The following SQOR variants were observed in gnomAD, a reference collection of about 807,000 sequenced individuals.
SQOR encodes the protein sulfide:quinone oxidoreductase, mitochondrial.
In SQOR, 39 loss-of-function variants were observed where a neutral mutation model predicts 48.6. That is an observed-to-expected ratio of 0.80 (90% confidence interval 0.62 to 1.05). SQOR has a LOEUF of 1.05. SQOR is among the 50% of genes least tolerant of loss of function. The pLI, the probability that SQOR is intolerant of heterozygous loss-of-function variation, is 0.00. For synonymous variants in SQOR, 220 were observed against 206.2 expected (o/e 1.07, Z -0.57); for missense variants, 561 against 559.9 (o/e 1.00, Z -0.02).
chr15:45,664,046 G>GA (rs149714233), intron 3 of SQOR, among the ~76,000 whole-genome samples: 2 of 151,896 alleles, frequency 1.3e-5, no homozygotes, highest in Non-Finnish European at 2.9e-5. Flanking sequence ...GGTTATTCAT[G>GA]AAAAAAAATA....
rs570671318 is a variant in SQOR, at chr15:45,676,359, G to A, written c.864+49G>A. On this transcript the variant is annotated intron_variant, in intron 6 of 9. Transcript: ENST00000260324. ...AGCATGAAGCGTTGTCTGCTGAAAC[G>A]TGCCATAGATACATGGGGGCTCACA... 1.1e-5 allele frequency: 17 copies of A among 1,578,232 alleles called. No individual in the cohort carries two copies. In the African/African-American group the frequency reaches 1.3e-4, roughly 13 times the overall value.
At chr15:45,664,194 T>C (rs1300491321) in intron 3 of SQOR, among the ~76,000 whole-genome samples, 3 of 152,348 alleles carry the variant, frequency 2.0e-5, no homozygotes, top group Admixed American at 2.0e-4. Flanking sequence ...ACGTGGGTTA[T>C]ATGAAAGTTC....
chr15:45,682,203 C>G (rs887400683), intron 6 of SQOR, among the ~76,000 whole-genome samples: 1 of 152,180 alleles, frequency 6.6e-6, no homozygotes, highest in African/African-American at 2.4e-5. Context: ...GAGCTTTACT[C>G]CAATATCTCA....
intron 3 of SQOR, among the ~76,000 whole-genome samples, chr15:45,665,584 C>CT (rs1416571890): frequency 0.016 from 2,310 of 140,136 alleles, 43 homozygotes; most frequent in African/African-American, 0.043. Flanking sequence ...TCCATTCTGT[C>CT]TTTTTTTTTT....
At chr15:45,665,325 A>G (rs1036256989) in intron 3 of SQOR, among the ~76,000 whole-genome samples, 1 of 152,222 alleles carries the variant, frequency 6.6e-6, no homozygotes, top group African/African-American at 2.4e-5. Flanking sequence ...ATAGCCAGAT[A>G]TCAGAAATAC....
chr15:45,666,067 A>T (rs531500294), intron 3 of SQOR, among the ~76,000 whole-genome samples: 234 of 152,004 alleles, frequency 1.5e-3, no homozygotes, highest in Non-Finnish European at 2.7e-3. Context: ...ACCTGGTTCT[A>T]TTCTCTCCTT....
chr15:45,678,974 T>G (rs977773813), intron 6 of SQOR, among the ~76,000 whole-genome samples: 1 of 152,230 alleles, frequency 6.6e-6, no homozygotes, highest in Non-Finnish European at 1.5e-5. Context: ...AAATGAGCTA[T>G]GAGTAAGAGC....
chr15:45,651,443 A>G (rs1350266644), intron 1 of SQOR, among the ~76,000 whole-genome samples: 1 of 152,136 alleles, frequency 6.6e-6, no homozygotes, highest in Non-Finnish European at 1.5e-5. Context: ...CAGCCCATAG[A>G]GGGGCCCCCA....
rs1329466505 is a variant in SQOR, at chr15:45,691,146, G to T, written c.*116G>T. 1.1e-6 allele frequency: 1 copy of T among 900,134 alleles called. No homozygotes were observed. The highest frequency in any genetic ancestry group is 1.8e-6 in the Non-Finnish European group (1 of 540,650). 55.8% of individuals were successfully genotyped at this position (900,134 alleles called of 1,614,324 possible). A position where few individuals can be genotyped will look rare whatever the true frequency, so the allele number is the denominator to read the frequency against. ...TATCCTTGTAAAGAGTTCCTTGATG[G>T]GTAATGGTGACCAAATGCCTCCCTT... On this transcript the variant is annotated 3_prime_UTR_variant, in exon 10 of 10. Coordinates refer to ENST00000260324, the MANE Select transcript of SQOR (RefSeq NM_021199.4).
intron 4 of SQOR, among the ~76,000 whole-genome samples, chr15:45,670,426 G>A (rs1467365473): frequency 1.3e-5 from 2 of 152,170 alleles, no homozygotes; most frequent in Admixed American, 6.6e-5. Flanking sequence ...TTGTTGTGTC[G>A]ATACTGGGTT....
intron 1 of SQOR, among the ~76,000 whole-genome samples, chr15:45,655,699 T>C (rs1889591449): frequency 1.3e-5 from 2 of 149,020 alleles, no homozygotes; most frequent in South Asian, 2.2e-4. Flanking sequence ...TTTTTTTCTT[T>C]TTGAGACAGA....
At chr15:45,634,692 G>C (rs1894964228), upstream of SQOR, 2 of 152,306 alleles carry the variant, frequency 1.3e-5, no homozygotes, top group Admixed American at 6.5e-5. Context: ...CCCCGCCTCC[G>C]CTTTTGCCTG....
intron 1 of SQOR, among the ~76,000 whole-genome samples, chr15:45,650,199 G>A (rs913007241): frequency 6.6e-6 from 1 of 152,114 alleles, no homozygotes; most frequent in Admixed American, 6.5e-5. Flanking sequence ...GAGTGCAATG[G>A]CATGATCTTG....
At chr15:45,633,800 A>G (rs1894944403), upstream of SQOR, among the ~76,000 whole-genome samples, 1 of 151,908 alleles carries the variant, frequency 6.6e-6, no homozygotes, top group South Asian at 2.1e-4. Flanking sequence ...TTTGTATTGT[A>G]TTGTTCATGA....
intron 1 of SQOR, among the ~76,000 whole-genome samples, chr15:45,649,354 ACAAT>A (rs1308216008): frequency 1.3e-5 from 2 of 152,258 alleles, no homozygotes; most frequent in Admixed American, 1.3e-4. Context: ...AAGGAGGGAC[ACAAT>A]CAATTTAGAA....
intron 2 of SQOR, 55 bp downstream of exon 2, chr15:45,659,212 G>T: frequency 1.7e-6 from 1 of 582,840 alleles, no homozygotes; most frequent in East Asian, 9.4e-5. Context: ...GTGTGTGTGA[G>T]TGTGTGTGTG....
Position 45,684,157 on chromosome 15 carries a change from C to A in SQOR, c.1048+1496C>A, listed in dbSNP as rs535403805. Among the ~76,000 whole-genome samples, 27 of 152,272 alleles carry A rather than the reference C, an allele frequency of 1.8e-4. 1 individual carries two copies. The highest frequency in any genetic ancestry group is 6.5e-4 in the African/African-American group (27 of 41,550). On this transcript the variant is annotated intron_variant, in intron 7 of 9. Transcript: ENST00000260324. ...CGAACTCCTGGCTGCAGGTGATCTG[C>A]CCACCTTGGCCTCCCAAAGTGCTAG...
chr15:45,635,508 C>CACAGTCATCCACCG (rs1329576227), intron 1 of SQOR, among the ~76,000 whole-genome samples: 7 of 152,126 alleles, frequency 4.6e-5, no homozygotes, highest in African/African-American at 1.7e-4. Flanking sequence ...CAGGGATTGA[C>CACAGTCATCCACCG]ACAGTCATCC....
intron 1 of SQOR, among the ~76,000 whole-genome samples, chr15:45,638,451 G>A (rs113932443): frequency 0.015 from 2,357 of 152,218 alleles, 55 homozygotes; most frequent in African/African-American, 0.054. Flanking sequence ...AGCCAGGCAC[G>A]GTGGCTCACG....
Sources: allele counts gnomAD v4.1 joint callset (sites outside exome capture counted in the v4.1 genomes callset), GRCh38; gene constraint gnomAD v4.1.1; transcripts MANE v1.5; gene names NCBI Gene and HGNC (gene_info 2026-07-23, HGNC 2026-07-21).